The following PRKDC variants were observed in gnomAD, a reference collection of about 807,000 sequenced individuals.
PRKDC encodes protein kinase, DNA-activated, catalytic subunit, also known as DNA-dependent protein kinase catalytic subunit.
In PRKDC, 82 loss-of-function variants were observed where a neutral mutation model predicts 486.9. The ratio of observed to expected loss-of-function variants is 0.17; its 90% CI spans 0.14 to 0.20. PRKDC has a LOEUF of 0.20. PRKDC is among the 10% of genes least tolerant of loss of function. The probability of loss-of-function intolerance (pLI) is 1.00; values close to 1 mark genes in which losing one functional copy is unlikely to be tolerated. For missense variants in PRKDC, 4,504 were observed against 5,038.2 expected, an observed-to-expected ratio of 0.89 and a Z score of 3.21; for synonymous variants, 1,895 against 1,837.0, an observed-to-expected ratio of 1.03 and a Z score of -0.81.
In PRKDC at chr8:47,890,368, G is replaced by A; in HGVS notation, c.3960C>T (p.Asn1320=). The A allele has an allele frequency of 6.2e-7, 1 of 1,612,834 alleles. No homozygotes were observed. Among genetic ancestry groups the A allele is most frequent in the Admixed American group, 1.7e-5 (1 of 59,872 alleles). The change falls in exon 32 of 86, where the codon AAC becomes AAT. Residue 1320 remains asparagine (N), a synonymous_variant. Coordinates refer to ENST00000314191, the MANE Select transcript of PRKDC (RefSeq NM_006904.7). Reference sequence around the variant, plus strand: ...TTTCTCCCTCTTGTGGGCTTGTTCTGTTACCTGCTGCCCCAGTGCCAAAGC... The same window carrying A: ...TTTCTCCCTCTTGTGGGCTTGTTCTATTACCTGCTGCCCCAGTGCCAAAGC... ...EKCFGTGAAG[N]RTSPQEGERY...
chr8:47,856,415 A>G (rs909317950), intron 49 of PRKDC, among the ~76,000 whole-genome samples: 3 of 152,126 alleles, frequency 2.0e-5, no homozygotes, highest in Non-Finnish European at 4.4e-5. Context: ...TTTTTAGTAC[A>G]GATAAGGTTT....
chr8:47,863,285 A>G, intron 42 of PRKDC, 114 bp downstream of exon 42: 1 of 904,814 alleles, frequency 1.1e-6, no homozygotes, highest in Non-Finnish European at 1.6e-6. Context: ...GAAGAAAACT[A>G]TAAAAGCTCA....
chr8:47,838,636 G>A (rs1394153271), intron 56 of PRKDC, among the ~76,000 whole-genome samples: 1 of 152,020 alleles, frequency 6.6e-6, no homozygotes, highest in Non-Finnish European at 1.5e-5. Context: ...ATAATAAAAA[G>A]TTTACCCCTC....
chr8:47,821,471 G>A (rs1291656375), intron 65 of PRKDC, 133 bp downstream of exon 65: 3 of 780,160 alleles, frequency 3.8e-6, no homozygotes, highest in Non-Finnish European at 6.3e-6. Context: ...GGGTTTGTAG[G>A]TGGACTCAGG....
intron 13 of PRKDC, 130 bp downstream of exon 13, chr8:47,935,602 C>A: frequency 1.9e-6 from 2 of 1,028,384 alleles, no homozygotes; most frequent in Non-Finnish European, 2.7e-6. Context: ...TTTTGGTCTA[C>A]CAAAATTTAG....
intron 25 of PRKDC, among the ~76,000 whole-genome samples, chr8:47,907,396 C>A (rs1589783003): frequency 6.9e-6 from 1 of 144,132 alleles, no homozygotes; most frequent in Non-Finnish European, 1.5e-5. Context: ...GTATACATAG[C>A]TATATATATA....
chr8:47,928,511 G>A (rs969293514), intron 19 of PRKDC, among the ~76,000 whole-genome samples: 5 of 151,550 alleles, frequency 3.3e-5, no homozygotes, highest in African/African-American at 4.8e-5. Flanking sequence ...CCTTAGTCCC[G>A]CTCCAGATTT....
intron 80 of PRKDC, among the ~76,000 whole-genome samples, chr8:47,779,636 CT>C (rs1364550887): frequency 6.6e-6 from 1 of 152,212 alleles, no homozygotes; most frequent in Admixed American, 6.5e-5. Flanking sequence ...TGTCGCCAGG[CT>C]GGAGTGCAGT....
At chr8:47,780,233 A>G (rs558266325) in intron 80 of PRKDC, among the ~76,000 whole-genome samples, 1 of 152,150 alleles carries the variant, frequency 6.6e-6, no homozygotes, top group Non-Finnish European at 1.5e-5. Flanking sequence ...ATCTTTCTTT[A>G]TATTTCCAAT....
chr8:47,860,544 T>C (rs966345602), intron 45 of PRKDC, among the ~76,000 whole-genome samples: 4 of 152,194 alleles, frequency 2.6e-5, no homozygotes, highest in Admixed American at 6.5e-5. Flanking sequence ...AAAGGACTTG[T>C]ATTCTAATGT....
At chr8:47,926,851 G>A (rs2090165329) in intron 21 of PRKDC, 1 of 171,350 alleles carries the variant, frequency 5.8e-6, no homozygotes, top group African/African-American at 2.4e-5. Context: ...ATTTTCTGAA[G>A]TGTTTAATTC....
At chr8:47,818,751 G>A (rs1341473853) in intron 67 of PRKDC, among the ~76,000 whole-genome samples, 4 of 152,038 alleles carry the variant, frequency 2.6e-5, no homozygotes, top group African/African-American at 4.8e-5. Context: ...ATAAATATCA[G>A]TTTTTATCAG....
chr8:47,855,103 T>G, intron 50 of PRKDC, 119 bp downstream of exon 50: 1 of 1,085,018 alleles, frequency 9.2e-7, no homozygotes, highest in African/African-American at 1.6e-5. Context: ...TTAGTAACAA[T>G]AAATTATTTT....
rs570644704 is a variant in PRKDC, at chr8:47,854,511, T to C, written c.6762-297A>G. The stretch of plus-strand genomic sequence containing the variant: ...CCGCCACCACACCTGGCTAATTTTT[T>C]GTATTTTTTTAGTAGAGACGGGGTT... On this transcript the variant is annotated intron_variant, in intron 50 of 85. Coordinates refer to ENST00000314191, the MANE Select transcript of PRKDC (RefSeq NM_006904.7). Among the ~76,000 whole-genome samples the C allele has an allele frequency of 6.6e-4, 101 of 152,264 alleles. 1 individual carries two copies. Among genetic ancestry groups the C allele is most frequent in the African/African-American group, 2.3e-3 (97 of 41,566 alleles).
chr8:47,824,033 C>A, intron 63 of PRKDC, 37 bp from the exon 64 acceptor site: 1 of 1,476,250 alleles, frequency 6.8e-7, no homozygotes, highest in Non-Finnish European at 9.1e-7. Context: ...TCAATGAACA[C>A]TCCAGTATTT....
At chr8:47,896,582 G>A (rs2089586507) in intron 30 of PRKDC, among the ~76,000 whole-genome samples, 1 of 151,454 alleles carries the variant, frequency 6.6e-6, no homozygotes, top group African/African-American at 2.4e-5. Context: ...AGGAGGTGGA[G>A]CTTGCAGTGA....
chr8:47,889,961 A>G (rs2154501835), intron 32 of PRKDC, among the ~76,000 whole-genome samples: 1 of 152,284 alleles, frequency 6.6e-6, no homozygotes, highest in African/African-American at 2.4e-5. Context: ...GAGCATATCA[A>G]AACATCATGC....
At chr8:47,914,984 G>A (rs1005769460) in intron 23 of PRKDC, among the ~76,000 whole-genome samples, 4 of 152,020 alleles carry the variant, frequency 2.6e-5, no homozygotes, top group Non-Finnish European at 5.9e-5. Context: ...TTCTCATTTG[G>A]AAAAATTTCT....
At chr8:47,914,670 G>A (rs1225091594) in intron 23 of PRKDC, among the ~76,000 whole-genome samples, 5 of 151,940 alleles carry the variant, frequency 3.3e-5, no homozygotes, top group Admixed American at 6.6e-5. Context: ...GCATGGTGGC[G>A]TCTGTCTGTA....
Sources: allele counts gnomAD v4.1 joint callset (sites outside exome capture counted in the v4.1 genomes callset), GRCh38; gene constraint gnomAD v4.1.1; transcripts MANE v1.5; gene names NCBI Gene and HGNC (gene_info 2026-07-23, HGNC 2026-07-21).